AAGAB: variants seen among roughly 807,000 people sequenced by gnomAD.
AAGAB encodes the protein alpha and gamma adaptin binding protein, also known as alpha- and gamma-adaptin-binding protein p34.
In AAGAB, 38 loss-of-function variants were observed where a neutral mutation model predicts 44.1. The ratio of observed to expected loss-of-function variants is 0.86; its 90% confidence interval spans 0.67 to 1.13. The LOEUF is 1.13. AAGAB is among the 50% of genes most tolerant of loss of function. The probability of loss-of-function intolerance (pLI) is 0.00; values close to 1 mark genes in which losing one functional copy is unlikely to be tolerated. For synonymous variants in AAGAB, 131 were observed against 131.8 expected (o/e 0.99, Z 0.04); for missense variants, 450 against 373.8 (o/e 1.20, Z -1.68).
At chr15:67,219,357 C>G (rs1964017707) in intron 5 of AAGAB, among the ~76,000 whole-genome samples, 1 of 152,158 alleles carries the variant, frequency 6.6e-6, no homozygotes, top group Non-Finnish European at 1.5e-5. Context: ...AATAATGTCC[C>G]TGTTTCTTCT....
intron 5 of AAGAB, among the ~76,000 whole-genome samples, chr15:67,224,192 C>A (rs932142318): frequency 1.3e-5 from 2 of 152,200 alleles, no homozygotes; most frequent in African/African-American, 4.8e-5. Context: ...ATATCCCAAA[C>A]ACACAGACCA....
chr15:67,239,330 T>C (rs531438906), intron 1 of AAGAB, among the ~76,000 whole-genome samples: 2 of 152,362 alleles, frequency 1.3e-5, no homozygotes, highest in African/African-American at 4.8e-5. Context: ...TTTATTAATG[T>C]TTAGAACACA....
At chr15:67,227,169 A>T (rs1964224339) in intron 5 of AAGAB, among the ~76,000 whole-genome samples, 1 of 152,234 alleles carries the variant, frequency 6.6e-6, no homozygotes, top group Non-Finnish European at 1.5e-5. Context: ...ATAAATACTA[A>T]CTAGACAATA....
intron 5 of AAGAB, among the ~76,000 whole-genome samples, chr15:67,230,900 T>C (rs1224222444): frequency 6.6e-6 from 1 of 152,156 alleles, no homozygotes; most frequent in East Asian, 1.9e-4. Context: ...ACCACCTTCT[T>C]TGCATCAACC....
chr15:67,202,800 T>C lies in AAGAB; in HGVS notation c.*21A>G. Reference sequence around the variant, plus strand: ...CAGAGACAGCTAGCATCTTTGTTGGTCAAACCCTAGTATGAATAATTCAGT... The same window carrying C: ...CAGAGACAGCTAGCATCTTTGTTGGCCAAACCCTAGTATGAATAATTCAGT... On this transcript the variant is annotated 3_prime_UTR_variant, in exon 10 of 10. Transcript: ENST00000261880. 1.2e-6 allele frequency: 2 copies of C among 1,612,118 alleles called. No homozygotes were observed. The highest frequency in any genetic ancestry group is 1.7e-6 in the Non-Finnish European group (2 of 1,178,224).
At chr15:67,252,519 GA>G (rs1279458524) in intron 1 of AAGAB, among the ~76,000 whole-genome samples, 2 of 152,000 alleles carry the variant, frequency 1.3e-5, no homozygotes, top group South Asian at 2.1e-4. Context: ...AACTGCAATG[GA>G]AAAAAAGACT....
Position 67,236,000 on chromosome 15 carries a change from C to A in AAGAB, c.430G>T (p.Glu144Ter). 1 of 1,613,058 alleles carries A rather than the reference C, an allele frequency of 6.2e-7. No homozygotes were observed. Among genetic ancestry groups the A allele is most frequent in the Admixed American group, 1.7e-5 (1 of 59,948 alleles). ...HGFELVELSPEELPEEDDDFP... is the reference protein window; with the variant it reads ...HGFELVELSP ...TTACCATCCTCCTCAGGCAACTCCTCTGGACTAAGTTCTACCAATTCAAAG... is the reference window on the plus strand; with the variant it reads ...TTACCATCCTCCTCAGGCAACTCCTATGGACTAAGTTCTACCAATTCAAAG... Residue 144 changes from glutamate to a stop codon, truncating the protein, a stop_gained, in exon 4 of 10, where the codon GAG (glutamate) becomes TAG (stop). Transcript: ENST00000261880. LOFTEE classifies it high-confidence loss of function.
chr15:67,223,964 A>C (rs1163049423), intron 5 of AAGAB, among the ~76,000 whole-genome samples: 1 of 152,160 alleles, frequency 6.6e-6, no homozygotes, highest in Non-Finnish European at 1.5e-5. Flanking sequence ...TCCTTGCTCA[A>C]ATCTCAAGAA....
upstream of AAGAB, chr15:67,254,946 A>C: frequency 6.2e-7 from 1 of 1,613,372 alleles, no homozygotes; most frequent in Non-Finnish European, 8.5e-7. Flanking sequence ...ATCTTAATCC[A>C]GGTGGGAAAC....
intron 7 of AAGAB, among the ~76,000 whole-genome samples, chr15:67,204,964 A>G (rs1439121894): frequency 6.6e-6 from 1 of 152,208 alleles, no homozygotes; most frequent in Non-Finnish European, 1.5e-5. Context: ...AATAAGTACT[A>G]CTACCATAAG....
At chr15:67,254,666 G>T (rs747120630), upstream of AAGAB, 6 of 1,585,922 alleles carry the variant, frequency 3.8e-6, no homozygotes, top group Admixed American at 1.1e-4. Context: ...TCAGGCAGCC[G>T]CTTCCGCCTT....
At chr15:67,218,577 G>A (rs761191084) in intron 5 of AAGAB, among the ~76,000 whole-genome samples, 4 of 152,156 alleles carry the variant, frequency 2.6e-5, no homozygotes, top group Non-Finnish European at 2.9e-5. Context: ...ATGATGCCTA[G>A]ATCATCTAGG....
intron 6 of AAGAB, among the ~76,000 whole-genome samples, chr15:67,208,885 A>C (rs1297580175): frequency 6.6e-6 from 1 of 152,258 alleles, no homozygotes; most frequent in Non-Finnish European, 1.5e-5. Context: ...ATTTTGCTTT[A>C]GACTACTAAA....
At chr15:67,248,308 A>T (rs1023610107) in intron 1 of AAGAB, among the ~76,000 whole-genome samples, 1 of 152,206 alleles carries the variant, frequency 6.6e-6, no homozygotes, top group Non-Finnish European at 1.5e-5. Context: ...CCATCTACTG[A>T]ATCACTCTGT....
chr15:67,233,493 A>G (rs1964391496), intron 4 of AAGAB, among the ~76,000 whole-genome samples: 2 of 152,216 alleles, frequency 1.3e-5, no homozygotes, highest in African/African-American at 4.8e-5. Flanking sequence ...TGACAGAAAT[A>G]GTTTTCATGT....
chr15:67,241,928 A>G (rs1008192999), intron 1 of AAGAB, among the ~76,000 whole-genome samples: 8 of 152,188 alleles, frequency 5.3e-5, no homozygotes, highest in African/African-American at 1.9e-4. Context: ...AATAAAGTTG[A>G]AATTTTTCTT....
chr15:67,236,659 C>T lies in AAGAB; in HGVS notation c.235G>A (p.Ala79Thr), dbSNP rs750521244. The change falls in exon 2 of 10, where the codon GCA (alanine) becomes ACA (threonine). Residue 79 changes from alanine (A) to threonine (T), a missense_variant. By Grantham distance (58) the Ala-to-Thr change is moderately conservative (BLOSUM62 0). Transcript: ENST00000261880. ...GTGCTGTCAAAGTAAACCACAAATG[C>T]TTGGACAGATTCTGCAATCTCTGCA... ...VTAEIAESVQ[A>T]FVVYFDSTQK... The T allele has an allele frequency of 6.8e-6, 11 of 1,613,948 alleles. No individual in the cohort carries two copies. Among genetic ancestry groups the T allele is most frequent in the Non-Finnish European group, 9.3e-6 (11 of 1,179,944 alleles).
chr15:67,249,029 A>C (rs1964796963), intron 1 of AAGAB, among the ~76,000 whole-genome samples: 1 of 152,134 alleles, frequency 6.6e-6, no homozygotes, highest in African/African-American at 2.4e-5. Flanking sequence ...TAAGTAACAT[A>C]ATAACCCAGA....
In AAGAB at chr15:67,201,996, G is replaced by C. The variant is rs945298549; in HGVS notation, c.*825C>G. On this transcript the variant is annotated 3_prime_UTR_variant, in exon 10 of 10. Coordinates refer to ENST00000261880, the MANE Select transcript of AAGAB (RefSeq NM_024666.5). The stretch of plus-strand genomic sequence containing the variant: ...TGTTTTGCAGGTGTGCAACAACACA[G>C]CTCTGGCATCTCAAGCAGCAGGGGA... The C allele has an allele frequency of 2.0e-5, 3 of 152,308 alleles. No individual in the cohort carries two copies. The highest frequency in any genetic ancestry group is 6.5e-5 in the Admixed American group (1 of 15,268). The allele number at this position is 152,308 out of a possible 1,614,324, so 9.4% of individuals were successfully genotyped here.
Sources: gnomAD v4.1 joint callset for allele counts (sites outside exome capture counted in the v4.1 genomes callset) on GRCh38, gnomAD v4.1.1 for gene constraint, MANE v1.5 for transcripts, NCBI Gene and HGNC (gene_info 2026-07-23, HGNC 2026-07-21) for gene names.